Variants in FRMPD1 observed in about 807,000 individuals in gnomAD.
The protein encoded by FRMPD1 is FERM and PDZ domain containing 1, also known as FERM and PDZ domain-containing protein 1.
A neutral mutation model predicts 117.8 loss-of-function variants in FRMPD1; 76 were observed. The ratio of observed to expected loss-of-function variants is 0.65; its 90% CI spans 0.54 to 0.78. The LOEUF (loss-of-function observed/expected upper bound fraction) is 0.78. Among genes scored for constraint, FRMPD1 ranks in the 30% least tolerant of loss-of-function variants. FRMPD1 has a pLI of 0.00. For missense variants in FRMPD1, 1,786 were observed against 1,964.5 expected (o/e 0.91, Z 1.72); for synonymous variants, 783 against 770.4 (o/e 1.02, Z -0.27).
At chr9:37,731,320 G>A (rs1823870045) in intron 9 of FRMPD1, among the ~76,000 whole-genome samples, 1 of 152,200 alleles carries the variant, frequency 6.6e-6, no homozygotes, top group South Asian at 2.1e-4. Context: ...TTCAGGCTCA[G>A]TCCTCAATGT....
intron 2 of FRMPD1, among the ~76,000 whole-genome samples, chr9:37,698,589 T>C (rs1822415968): frequency 7.0e-6 from 1 of 142,560 alleles, no homozygotes. Context: ...TGAGATATAG[T>C]TTCCCTCTGT....
At chr9:37,670,438 C>T (rs921964272) in intron 1 of FRMPD1, among the ~76,000 whole-genome samples, 6 of 152,040 alleles carry the variant, frequency 3.9e-5, no homozygotes, top group African/African-American at 1.2e-4. Context: ...AGCATTTAGA[C>T]GAAGCTTAAA....
chr9:37,663,736 C>A (rs1821068791), intron 1 of FRMPD1, among the ~76,000 whole-genome samples: 1 of 152,160 alleles, frequency 6.6e-6, no homozygotes. Context: ...ATAAGAAAAT[C>A]CATGGATGCT....
At chr9:37,658,696 A>G (rs1820911500) in intron 1 of FRMPD1, among the ~76,000 whole-genome samples, 1 of 151,998 alleles carries the variant, frequency 6.6e-6, no homozygotes, top group African/African-American at 2.4e-5. Flanking sequence ...TCTGTTTCAA[A>G]TCTTTGTTTC....
intron 1 of FRMPD1, among the ~76,000 whole-genome samples, chr9:37,653,491 G>A (rs1439167803): frequency 6.6e-6 from 1 of 152,134 alleles, no homozygotes; most frequent in Non-Finnish European, 1.5e-5. Context: ...TTGTTATTTG[G>A]AAGGTGTTCA....
the FRMPD1 span, among the ~76,000 whole-genome samples, chr9:37,630,583 G>A: frequency 1.3e-5 from 2 of 152,078 alleles, no homozygotes; most frequent in Non-Finnish European, 2.9e-5. Flanking sequence ...GTTTCACCAT[G>A]TTGATCAGGC....
chr9:37,744,928 G>T lies in FRMPD1; in HGVS notation c.2896G>T (p.Ala966Ser). The T allele has an allele frequency of 6.2e-7, 1 of 1,614,170 alleles. No individual in the cohort carries two copies. Among genetic ancestry groups the T allele is most frequent in the Non-Finnish European group, 8.5e-7 (1 of 1,180,026 alleles). Residue 966 changes from alanine (A) to serine (S), a missense_variant, in exon 16 of 16, where the codon GCA becomes TCA. Ala to Ser is a moderately conservative substitution (Grantham distance 99). Transcript: ENST00000377765. ...TGTTGTCCCTGCTGCCAGCTCCTCA[G>T]CAAGCACTCCTCACTGTTCTAACCC... ...SGVVPAASSS[A>S]STPHCSNPGS...
chr9:37,668,634 C>G (rs1359622609), intron 1 of FRMPD1: 1 of 152,176 alleles, frequency 6.6e-6, no homozygotes, highest in Non-Finnish European at 1.5e-5. Context: ...GTGCTGCTTT[C>G]TCTAGACTGT....
In FRMPD1 at chr9:37,717,381, A is replaced by ATATTT. The variant is rs1335593457; in HGVS notation, c.409-1687_409-1686insATTTT. On this transcript the variant is annotated intron_variant, in intron 5 of 15. Transcript: ENST00000377765. ...TGTGTGTGTGTGTGTATATATATAT[A>ATATTT]TTTTTTTTTTTTTTTTGAGATGTAG... is the stretch of plus-strand genomic sequence containing the variant. Among the ~76,000 whole-genome samples the ATATTT allele has an allele frequency of 6.0e-3, 691 of 114,320 alleles. 4 individuals carry two copies. Among genetic ancestry groups the ATATTT allele is most frequent in the African/African-American group, 0.013 (407 of 30,826 alleles). 75.0% of individuals were successfully genotyped at this position (114,320 alleles called of 152,430 possible).
the FRMPD1 span, among the ~76,000 whole-genome samples, chr9:37,637,971 TC>T: frequency 1.3e-5 from 1 of 78,754 alleles, no homozygotes; most frequent in Non-Finnish European, 2.6e-5. Flanking sequence ...ATGCTTTCTT[TC>T]TTTCTTTCTT....
chr9:37,636,318 G>A, the FRMPD1 span, among the ~76,000 whole-genome samples: 1 of 152,200 alleles, frequency 6.6e-6, no homozygotes, highest in Admixed American at 6.5e-5. Context: ...TGGGCAGAAG[G>A]ACAGCAGGAA....
intron 1 of FRMPD1, among the ~76,000 whole-genome samples, chr9:37,689,150 G>A (rs985627048): frequency 3.3e-5 from 5 of 151,574 alleles, no homozygotes; most frequent in African/African-American, 1.2e-4. Flanking sequence ...TATTAATTTT[G>A]GACATTATCT....
the FRMPD1 span, among the ~76,000 whole-genome samples, chr9:37,612,666 A>G: frequency 6.6e-6 from 1 of 151,814 alleles, no homozygotes; most frequent in African/African-American, 2.4e-5. Context: ...TAATTTTTGT[A>G]TTTTTAGTAG....
chr9:37,724,394 C>A, intron 7 of FRMPD1, 74 bp downstream of exon 7: 1 of 747,948 alleles, frequency 1.3e-6, no homozygotes. Flanking sequence ...GGCATCTTGC[C>A]CTGCATCTGC....
the FRMPD1 span, among the ~76,000 whole-genome samples, chr9:37,606,307 T>A: frequency 5.9e-5 from 9 of 152,328 alleles, no homozygotes; most frequent in Middle Eastern, 6.8e-3. Context: ...ATCTATTGGA[T>A]CAAGCCTCTT....
intron 14 of FRMPD1, among the ~76,000 whole-genome samples, chr9:37,737,455 C>T (rs947769346): frequency 2.6e-5 from 4 of 152,130 alleles, no homozygotes; most frequent in African/African-American, 9.7e-5. Flanking sequence ...TTTCCTGAAA[C>T]CAAGGAATGC....
At chr9:37,632,412 T>A in the FRMPD1 span, among the ~76,000 whole-genome samples, 81 of 152,330 alleles carry the variant, frequency 5.3e-4, no homozygotes, top group African/African-American at 1.9e-3. Context: ...ACTGTGGTAT[T>A]ACCTGAAAAA....
the FRMPD1 span, among the ~76,000 whole-genome samples, chr9:37,631,998 T>C: frequency 1.3e-5 from 2 of 152,206 alleles, no homozygotes; most frequent in Admixed American, 1.3e-4. Flanking sequence ...TTCATTACAA[T>C]ACATATACTG....
At chr9:37,681,670 A>G (rs1821735416) in intron 1 of FRMPD1, among the ~76,000 whole-genome samples, 1 of 152,226 alleles carries the variant, frequency 6.6e-6, no homozygotes, top group South Asian at 2.1e-4. Flanking sequence ...AGAAGGTTCC[A>G]TAGTTATAGC....
Sources: gnomAD v4.1 joint callset for allele counts (sites outside exome capture counted in the v4.1 genomes callset) on GRCh38, gnomAD v4.1.1 for gene constraint, MANE v1.5 for transcripts, NCBI Gene and HGNC (gene_info 2026-07-23, HGNC 2026-07-21) for gene names.